Variants in XKR6 observed in about 807,000 individuals in gnomAD.
The protein encoded by XKR6 is XK-related protein 6.
A neutral mutation model predicts 56.7 loss-of-function variants in XKR6; 22 were observed. The observed-to-expected ratio is 0.39, with a 90% confidence interval of 0.28 to 0.55. The LOEUF (loss-of-function observed/expected upper bound fraction) is 0.55, where lower values mean the gene tolerates loss of function less well. Among genes scored for constraint, XKR6 ranks in the 20% least tolerant of loss-of-function variants. The probability of loss-of-function intolerance (pLI) is 0.66; values close to 1 mark genes in which losing one functional copy is unlikely to be tolerated. For missense variants in XKR6, 852 were observed against 889.0 expected (o/e 0.96, Z 0.53); for synonymous variants, 524 against 387.8 (o/e 1.35, Z -4.13).
intron 2 of XKR6, among the ~76,000 whole-genome samples, chr8:10,920,046 G>C (rs1800666738): frequency 6.6e-6 from 1 of 152,170 alleles, no homozygotes; most frequent in Admixed American, 6.5e-5. Flanking sequence ...GAGAAACAGA[G>C]GGTGGAGAGA....
intron 1 of XKR6, among the ~76,000 whole-genome samples, chr8:11,033,075 G>T (rs1233567313): frequency 6.6e-6 from 1 of 151,956 alleles, no homozygotes; most frequent in Non-Finnish European, 1.5e-5. Context: ...TGGTGGTGAC[G>T]ATGGTAATGG....
chr8:11,057,171 C>T (rs1170228232), intron 1 of XKR6, among the ~76,000 whole-genome samples: 1 of 152,186 alleles, frequency 6.6e-6, no homozygotes, highest in Non-Finnish European at 1.5e-5. Flanking sequence ...ATTTGTCACC[C>T]AAACTAAAGA....
intron 1 of XKR6, among the ~76,000 whole-genome samples, chr8:11,145,881 A>G (rs1800956317): frequency 6.6e-6 from 1 of 152,204 alleles, no homozygotes; most frequent in African/African-American, 2.4e-5. Context: ...ACGACCCACA[A>G]TAGTCAAAAT....
Position 10,897,678 on chromosome 8 carries a change from T to A in XKR6, c.*274A>T. 1 of 342,110 alleles carries A rather than the reference T, an allele frequency of 2.9e-6. No individual in the cohort carries two copies. The highest frequency in any genetic ancestry group is 4.6e-5 in the East Asian group (1 of 21,686). The allele number at this position is 342,110 out of a possible 1,614,324, so 21.2% of individuals were successfully genotyped here. Reference sequence around the variant, plus strand: ...TGGGATTTTTCAATACTGTTTCTTATGTGTAAAAAACAAAAGAAAGGTTTT... The same window carrying A: ...TGGGATTTTTCAATACTGTTTCTTAAGTGTAAAAAACAAAAGAAAGGTTTT... On this transcript the variant is annotated 3_prime_UTR_variant, in exon 3 of 3. Transcript: ENST00000416569.
chr8:11,151,815 C>T (rs1188019822), intron 1 of XKR6, among the ~76,000 whole-genome samples: 3 of 152,066 alleles, frequency 2.0e-5, no homozygotes, highest in African/African-American at 7.2e-5. Context: ...TACGTGTTCC[C>T]AGTAGCTCCC....
intron 1 of XKR6, among the ~76,000 whole-genome samples, chr8:10,984,732 C>CTATATATATATATATATATATA (rs58774414): frequency 8.9e-4 from 42 of 47,448 alleles, no homozygotes; most frequent in Non-Finnish European, 1.0e-3. Flanking sequence ...CTCTCTCTCT[C>CTATATATATATATATATATATA]TATATATATA....
chr8:11,079,235 G>C lies in XKR6; in HGVS notation c.764+121341C>G, dbSNP rs575107745. 7.9e-5 allele frequency among the ~76,000 whole-genome samples: 12 copies of C among 152,254 alleles called. No individual in the cohort carries two copies. The South Asian group carries it at 8.3e-4, about 11-fold the overall frequency. ...TCTCCTGGCTTGTCTGCAATGGCAA[G>C]AGGAAGTGTGTGTGTCAGAGGCAGG... is the stretch of plus-strand genomic sequence containing the variant. On this transcript the variant is annotated intron_variant, in intron 1 of 2. Coordinates refer to ENST00000416569, the MANE Select transcript of XKR6 (RefSeq NM_173683.4).
intron 1 of XKR6, among the ~76,000 whole-genome samples, chr8:11,166,221 G>A (rs1182283930): frequency 6.6e-6 from 1 of 152,142 alleles, no homozygotes; most frequent in African/African-American, 2.4e-5. Context: ...TCATTTTCCA[G>A]TGAAGATGTT....
intron 1 of XKR6, among the ~76,000 whole-genome samples, chr8:10,970,340 G>A (rs1802368338): frequency 6.6e-6 from 1 of 152,220 alleles, no homozygotes; most frequent in Non-Finnish European, 1.5e-5. Flanking sequence ...TCCAATGAGG[G>A]CACTGGACCA....
chr8:11,045,015 G>T (rs181143538), intron 1 of XKR6, among the ~76,000 whole-genome samples: 1 of 141,026 alleles, frequency 7.1e-6, no homozygotes, highest in East Asian at 2.1e-4. Context: ...AGTGATCTTT[G>T]CTTACTTGTA....
In XKR6 at chr8:11,028,358, G is replaced by A. The variant is rs193197265; in HGVS notation, c.765-103528C>T. ...ACAGTTTACCCGTTCACCTGCTGACGGACACCTTGCTTGTTTCCAAGTTTC... is the reference window on the plus strand; with the variant it reads ...ACAGTTTACCCGTTCACCTGCTGACAGACACCTTGCTTGTTTCCAAGTTTC... On this transcript the variant is annotated intron_variant, in intron 1 of 2. Transcript: ENST00000416569. Among the ~76,000 whole-genome samples the A allele has an allele frequency of 4.6e-5, 7 of 152,296 alleles. No homozygotes were observed. In the East Asian group the frequency reaches 5.8e-4, roughly 13 times the overall value.
rs566917250 is a variant in XKR6 at position 11,002,517 on chromosome 8, A to G, written c.765-77687T>C. 1.2e-5 allele frequency: 4 copies of G among 331,044 alleles called. No individual in the cohort carries two copies. In the East Asian group the frequency reaches 3.6e-4, roughly 29 times the overall value. The allele number at this position is 331,044 out of a possible 1,614,324, so 20.5% of individuals were successfully genotyped here. On this transcript the variant is annotated intron_variant, in intron 1 of 2. Transcript: ENST00000416569. ...AAGCCAACCGATACACTGAGCAAGC[A>G]GGAATGGGGAAGGTGTGGTGCATAC...
At chr8:10,998,087 C>G (rs995316816) in intron 1 of XKR6, among the ~76,000 whole-genome samples, 1 of 152,106 alleles carries the variant, frequency 6.6e-6, no homozygotes, top group African/African-American at 2.4e-5. Flanking sequence ...TGGGGGTCAC[C>G]AGCTCACCCC....
At chr8:11,139,086 A>C (rs377379637) in intron 1 of XKR6, among the ~76,000 whole-genome samples, 49 of 152,344 alleles carry the variant, frequency 3.2e-4, no homozygotes, top group Admixed American at 1.3e-3. Context: ...TTCAGAATAA[A>C]ACCATTAACC....
intron 1 of XKR6, among the ~76,000 whole-genome samples, chr8:10,959,483 T>C (rs538203532): frequency 2.3e-4 from 35 of 152,354 alleles, no homozygotes; most frequent in African/African-American, 8.4e-4. Flanking sequence ...AAGTCTGAGA[T>C]GAAGGTGCCA....
intron 1 of XKR6, among the ~76,000 whole-genome samples, chr8:11,157,484 AGGT>A (rs1801577536): frequency 7.9e-6 from 1 of 126,402 alleles, no homozygotes; most frequent in African/African-American, 3.3e-5. Flanking sequence ...TTAAAATAAA[AGGT>A]ATGTATGTAT....
At chr8:10,973,628 G>A (rs575922556) in intron 1 of XKR6, among the ~76,000 whole-genome samples, 3 of 151,776 alleles carry the variant, frequency 2.0e-5, no homozygotes, top group East Asian at 1.9e-4. Flanking sequence ...TGCCCAGGCC[G>A]GAGTGCAGTG....
At chr8:11,018,756 CA>C (rs1798682944) in intron 1 of XKR6, among the ~76,000 whole-genome samples, 1 of 152,146 alleles carries the variant, frequency 6.6e-6, no homozygotes, top group Non-Finnish European at 1.5e-5. Context: ...GCTCCTGCCC[CA>C]AACCATCAAT....
chr8:11,051,441 T>G (rs1426091480), intron 1 of XKR6, among the ~76,000 whole-genome samples: 1 of 152,138 alleles, frequency 6.6e-6, no homozygotes. Context: ...TCTCCAACTT[T>G]CCAAATTCAA....
Sources: allele counts gnomAD v4.1 joint callset (sites outside exome capture counted in the v4.1 genomes callset), GRCh38; gene constraint gnomAD v4.1.1; transcripts MANE v1.5; gene names NCBI Gene and HGNC (gene_info 2026-07-23, HGNC 2026-07-21).